The following PLOD1 variants were observed in gnomAD, a reference collection of about 807,000 sequenced individuals.
PLOD1 encodes procollagen-lysine,2-oxoglutarate 5-dioxygenase 1.
A neutral mutation model predicts 94.7 loss-of-function variants in PLOD1; 70 were observed. That is an observed-to-expected ratio of 0.74 (90% CI 0.61 to 0.90). PLOD1 has a LOEUF of 0.90. Ranked by LOEUF, PLOD1 falls within the 40% of genes least tolerant of loss-of-function variation. PLOD1 has a pLI of 0.00. For missense variants in PLOD1, 905 were observed against 972.7 expected, an observed-to-expected ratio of 0.93 and a Z score of 0.93; for synonymous variants, 417 against 400.2, an observed-to-expected ratio of 1.04 and a Z score of -0.50.
At chr1:11,946,709 G>T (rs1350817395) in intron 1 of PLOD1, among the ~76,000 whole-genome samples, 1 of 152,192 alleles carries the variant, frequency 6.6e-6, no homozygotes, top group East Asian at 1.9e-4. Context: ...ATAATGTAGG[G>T]TGTAGACACC....
chr1:11,964,585 C>T (rs974224618), intron 12 of PLOD1, 59 bp from the exon 13 acceptor site: 59 of 1,568,180 alleles, frequency 3.8e-5, no homozygotes, highest in African/African-American at 1.4e-5. Context: ...CCCTGTGACC[C>T]CCTCCATCTT....
At chr1:11,962,265 TTTTGTTTTC>T (rs1427404449) in intron 10 of PLOD1, among the ~76,000 whole-genome samples, 1 of 130,140 alleles carries the variant, frequency 7.7e-6, no homozygotes, top group Non-Finnish European at 1.5e-5. Flanking sequence ...TTCTTTTGAT[TTTTGTTTTC>T]TTTTTTTTTT....
At position 11,956,926 on chromosome 1, in the gene PLOD1, T is replaced by C; in HGVS notation, c.653T>C (p.Val218Ala). 1 of 1,612,600 alleles carries C rather than the reference T, an allele frequency of 6.2e-7. No individual in the cohort carries two copies. The highest frequency in any genetic ancestry group is 8.5e-7 in the Non-Finnish European group (1 of 1,178,680). ...QNLDGALDEV[V>A]LKFEMGHVRA... ...GCTTTCTGACCCCCAGATGAGGTCG[T>C]GCTCAAGTTTGAAATGGGCCATGTG... The change falls in exon 7 of 19, where the codon GTG becomes GCG. Residue 218 changes from valine to alanine, a missense_variant. By Grantham distance (64) the Val-to-Ala change is moderately conservative (BLOSUM62 0). Transcript: ENST00000196061.
chr1:11,970,330 G>A (rs1645852284), intron 16 of PLOD1, among the ~76,000 whole-genome samples: 1 of 152,202 alleles, frequency 6.6e-6, no homozygotes, highest in Non-Finnish European at 1.5e-5. Flanking sequence ...CTACACGGGA[G>A]GGTGAGGTGG....
At chr1:11,935,295 T>C (rs1380610161) in intron 1 of PLOD1, among the ~76,000 whole-genome samples, 1 of 152,040 alleles carries the variant, frequency 6.6e-6, no homozygotes, top group Non-Finnish European at 1.5e-5. Flanking sequence ...GAACCAGGAT[T>C]TACCCCACCC....
At chr1:11,962,274 C>CTTTTTTTTTTTTTTTTTTTTT (rs780613164) in intron 10 of PLOD1, among the ~76,000 whole-genome samples, 17 of 99,084 alleles carry the variant, frequency 1.7e-4, no homozygotes, top group East Asian at 6.1e-4. Context: ...TTTTTGTTTT[C>CTTTTTTTTTTTTTTTTTTTTT]TTTTTTTTTT....
intron 1 of PLOD1, 72 bp downstream of exon 1, chr1:11,934,927 GA>G: frequency 6.7e-7 from 1 of 1,495,952 alleles, no homozygotes; most frequent in Non-Finnish European, 8.9e-7. Context: ...GCCTCCCTGG[GA>G]ACGACCTGAA....
intron 4 of PLOD1, among the ~76,000 whole-genome samples, chr1:11,951,566 T>G (rs1245612566): frequency 7.5e-6 from 1 of 133,780 alleles, no homozygotes; most frequent in Admixed American, 7.3e-5. Context: ...AAATAAAAAA[T>G]AATACTATAT....
At chr1:11,974,553 C>T (rs1368277312) in intron 18 of PLOD1, 100 bp from the exon 19 acceptor site, 2 of 1,162,372 alleles carry the variant, frequency 1.7e-6, no homozygotes, top group East Asian at 2.5e-5. Flanking sequence ...CCCAGGCAGG[C>T]AGTGCTGAGG....
rs776599201 is a variant in PLOD1, at chr1:11,956,923, T to C, written c.650T>C (p.Val217Ala). ...FQNLDGALDE[V>A]VLKFEMGHVR... ...TGTGCTTTCTGACCCCCAGATGAGG[T>C]CGTGCTCAAGTTTGAAATGGGCCAT... Residue 217 changes from valine (V) to alanine (A), a missense_variant, in exon 7 of 19, where the codon GTC (valine) becomes GCC (alanine). Coordinates refer to ENST00000196061, the MANE Select transcript of PLOD1 (RefSeq NM_000302.4). 28 of 1,611,720 alleles carry C rather than the reference T, an allele frequency of 1.7e-5. 2 individuals carry two copies. The South Asian group carries it at 3.1e-4, about 18-fold the overall frequency.
intron 1 of PLOD1, among the ~76,000 whole-genome samples, chr1:11,940,164 AG>A (rs1394129416): frequency 6.6e-6 from 1 of 152,114 alleles, no homozygotes. Flanking sequence ...CTGGGCCTAG[AG>A]GTGCGTGCCA....
At chr1:11,943,453 C>T (rs1335680508) in intron 1 of PLOD1, among the ~76,000 whole-genome samples, 1 of 151,906 alleles carries the variant, frequency 6.6e-6, no homozygotes, top group Non-Finnish European at 1.5e-5. Context: ...TGTGCCACCA[C>T]GCCCGGCTAA....
At position 11,944,422 on chromosome 1, in the gene PLOD1, TACACACACACAC is replaced by T. The variant is rs5772479; in HGVS notation, c.77-3533_77-3522del. ...GAATCCTGAATTGCGCATGCACGCG[TACACACACACAC>T]ACACACACACACACACACACTCACT... On this transcript the variant is annotated intron_variant, in intron 1 of 18. Coordinates refer to ENST00000196061, the MANE Select transcript of PLOD1 (RefSeq NM_000302.4). The T allele has an allele frequency of 3.3e-4, 158 of 476,978 alleles. 1 individual carries two copies. The highest frequency in any genetic ancestry group is 2.3e-3 in the African/African-American group (108 of 47,526). The allele number at this position is 476,978 out of a possible 1,614,324, so 29.5% of individuals were successfully genotyped here. A position where few individuals can be genotyped will look rare whatever the true frequency, so the allele number is the denominator to read the frequency against.
chr1:11,964,118 G>A (rs1645798637), intron 11 of PLOD1, 57 bp from the exon 12 acceptor site: 1 of 1,581,590 alleles, frequency 6.3e-7, no homozygotes, highest in Non-Finnish European at 8.7e-7. Flanking sequence ...CCTGGTTAGT[G>A]CTGTCTCCTA....
In PLOD1 at chr1:11,960,666, G is replaced by C; in HGVS notation, c.996G>C (p.Gln332His). ...CCCAGGAGCAGCACCACAAGGCTCA[G>C]GTGGAAGAGTTCCTGGCACAGCATG... ...IHNHEQHHKA[Q>H]VEEFLAQHGS... The change falls in exon 10 of 19, where the codon CAG becomes CAC. Residue 332 changes from glutamine to histidine, a missense_variant. Physicochemically the swap from Gln to His is conservative, Grantham distance 24. Coordinates refer to ENST00000196061, the MANE Select transcript of PLOD1 (RefSeq NM_000302.4). The C allele has an allele frequency of 3.1e-6, 5 of 1,612,738 alleles. No homozygotes were observed. Among genetic ancestry groups the C allele is most frequent in the Non-Finnish European group, 4.2e-6 (5 of 1,179,770 alleles).
intron 1 of PLOD1, among the ~76,000 whole-genome samples, chr1:11,941,160 A>G (rs7414602): frequency 2.0e-5 from 3 of 152,342 alleles, no homozygotes; most frequent in African/African-American, 4.8e-5. Context: ...TAATGAATGT[A>G]ACATGCCTCA....
chr1:11,968,839 C>CTTT (rs566417062), intron 16 of PLOD1, among the ~76,000 whole-genome samples: 9 of 124,092 alleles, frequency 7.3e-5, no homozygotes, highest in East Asian at 7.1e-4. Context: ...TTTCTACGTC[C>CTTT]TTTTTTTTTT....
rs1645795782 is a variant in PLOD1, at chr1:11,963,771, C to CTCCTCCTCGTCTTCCTCCTTGTCT, written c.1202+144_1202+167dup. 1.4e-6 allele frequency: 1 copy of CTCCTCCTCGTCTTCCTCCTTGTCT among 701,838 alleles called. No homozygotes were observed. Among genetic ancestry groups the CTCCTCCTCGTCTTCCTCCTTGTCT allele is most frequent in the African/African-American group, 1.8e-5 (1 of 57,000 alleles). 43.5% of individuals were successfully genotyped at this position (701,838 alleles called of 1,614,324 possible). A position where few individuals can be genotyped will look rare whatever the true frequency, so the allele number is the denominator to read the frequency against. ...CTTTTTCCTTCTCCTGCTCCTCTTT[C>CTCCTCCTCGTCTTCCTCCTTGTCT]TCCTCCTCGTCTTCCTCCTTGTCTT... On this transcript the variant is annotated intron_variant, in intron 11 of 18. Coordinates refer to ENST00000196061, the MANE Select transcript of PLOD1 (RefSeq NM_000302.4). The surrounding 1 kb of genome is among the most constrained non-coding windows in gnomAD (Gnocchi z 4.3).
chr1:11,963,593 C>T lies in PLOD1; in HGVS notation c.1159C>T (p.Leu387=), dbSNP rs1295466491. 4.4e-6 allele frequency: 7 copies of T among 1,603,606 alleles called. No individual in the cohort carries two copies. The highest frequency in any genetic ancestry group is 4.0e-5 in the African/African-American group (3 of 74,862). The change falls in exon 11 of 19, where the codon CTG becomes TTG. Residue 387 remains leucine (L), a synonymous_variant. Coordinates refer to ENST00000196061, the MANE Select transcript of PLOD1 (RefSeq NM_000302.4). This position sits in a 1 kb window ranked among gnomAD's most constrained non-coding sequence, Gnocchi z 4.3. The part of the protein sequence containing the change: ...YYFSVDADVA[L]TEPNSLRLLI... Reference sequence around the variant, plus strand: ...CTTCAGCGTGGATGCTGACGTGGCCCTGACCGAGCCCAACAGCCTGCGGCT... The same window carrying T: ...CTTCAGCGTGGATGCTGACGTGGCCTTGACCGAGCCCAACAGCCTGCGGCT...
Sources: allele counts gnomAD v4.1 joint callset (sites outside exome capture counted in the v4.1 genomes callset), GRCh38; gene constraint gnomAD v4.1.1; non-coding constraint Gnocchi (gnomAD v3.1); transcripts MANE v1.5; gene names NCBI Gene and HGNC (gene_info 2026-07-23, HGNC 2026-07-21).